The following PLB1 variants were observed in gnomAD, a reference collection of about 807,000 sequenced individuals.
PLB1 encodes the protein phospholipase B1.
In PLB1, 242 loss-of-function variants were observed where a neutral mutation model predicts 227.4. That is an observed-to-expected ratio of 1.06 (90% CI 0.96 to 1.18). PLB1 has a LOEUF of 1.18. Among genes scored for constraint, PLB1 ranks in the 50% most tolerant of loss-of-function variants. PLB1 has a pLI of 0.00. For missense variants in PLB1, 1,858 were observed against 1,816.3 expected (o/e 1.02, Z -0.42); for synonymous variants, 757 against 682.2 (o/e 1.11, Z -1.71).
intron 16 of PLB1, among the ~76,000 whole-genome samples, chr2:28,551,897 G>A (rs1674323797): frequency 1.3e-5 from 2 of 152,210 alleles, no homozygotes; most frequent in Admixed American, 1.3e-4. Context: ...TTGACTATCT[G>A]CTGTGTACCA....
chr2:28,577,024 A>G (rs959310311), intron 21 of PLB1, among the ~76,000 whole-genome samples: 32 of 152,222 alleles, frequency 2.1e-4, no homozygotes, highest in African/African-American at 7.5e-4. Flanking sequence ...GAAATAATTC[A>G]GTGGTTGCAT....
intron 56 of PLB1, among the ~76,000 whole-genome samples, chr2:28,636,382 C>G (rs1689363265): frequency 6.6e-6 from 1 of 152,096 alleles, no homozygotes; most frequent in Non-Finnish European, 1.5e-5. Flanking sequence ...ACTTTTAAAA[C>G]AATTAGTGCC....
chr2:28,605,965 G>A lies in PLB1; in HGVS notation c.3057+17G>A. 1 of 1,573,030 alleles carries A rather than the reference G, an allele frequency of 6.4e-7. No homozygotes were observed. On this transcript the variant is annotated intron_variant, in intron 42 of 57. Transcript: ENST00000327757. Reference sequence around the variant, plus strand: ...ACCAATATGGTAAAATAAGTGGGGTGTTCCTTGTTCTCTGGGGTTCTAGTC... The same window carrying A: ...ACCAATATGGTAAAATAAGTGGGGTATTCCTTGTTCTCTGGGGTTCTAGTC...
chr2:28,534,950 T>A (rs1208629522), intron 9 of PLB1, among the ~76,000 whole-genome samples: 1 of 152,038 alleles, frequency 6.6e-6, no homozygotes, highest in Non-Finnish European at 1.5e-5. Flanking sequence ...ACATTTTGGG[T>A]TTTAATAGGC....
chr2:28,548,613 G>T, intron 14 of PLB1: 1 of 581,662 alleles, frequency 1.7e-6, no homozygotes, highest in Non-Finnish European at 3.3e-6. Flanking sequence ...AACCGATGCT[G>T]CTTCTCATGC....
chr2:28,530,150 G>A (rs1038391825), intron 8 of PLB1, among the ~76,000 whole-genome samples: 1 of 152,106 alleles, frequency 6.6e-6, no homozygotes, highest in African/African-American at 2.4e-5. Context: ...GAGTGATAAT[G>A]CTCAGCCAAA....
chr2:28,632,093 G>A lies in PLB1; in HGVS notation c.3955G>A (p.Val1319Ile), dbSNP rs1688707712. ...HQYTQREDFA[V>I]VVQPFFQNTL... ...ATACACACAGCGTGAGGACTTTGCGGTTGTGGTGCAGCCTTTCTTCCAAAA... is the reference window on the plus strand; with the variant it reads ...ATACACACAGCGTGAGGACTTTGCGATTGTGGTGCAGCCTTTCTTCCAAAA... Residue 1319 changes from valine to isoleucine, a missense_variant, in exon 55 of 58, where the codon GTT becomes ATT. By Grantham distance (29) the Val-to-Ile change is conservative. Transcript: ENST00000327757. The A allele has an allele frequency of 1.9e-6, 3 of 1,614,048 alleles. No homozygotes were observed. The highest frequency in any genetic ancestry group is 1.3e-5 in the African/African-American group (1 of 74,918).
In PLB1 at chr2:28,535,494, G is replaced by A. The variant is rs1671565360; in HGVS notation, c.556-2825G>A. 2.6e-5 allele frequency among the ~76,000 whole-genome samples: 4 copies of A among 152,316 alleles called. No individual in the cohort carries two copies. In the South Asian group the frequency reaches 8.3e-4, roughly 32 times the overall value. On this transcript the variant is annotated intron_variant, in intron 9 of 57. Transcript: ENST00000327757. Reference sequence around the variant, plus strand: ...ACACTCACCTCCTAGTGGTACCTCTGGCCACACCTCCCCGTTTAAGCTAAT... The same window carrying A: ...ACACTCACCTCCTAGTGGTACCTCTAGCCACACCTCCCCGTTTAAGCTAAT...
At chr2:28,510,960 G>A (rs1572664581) in intron 1 of PLB1, among the ~76,000 whole-genome samples, 1 of 152,144 alleles carries the variant, frequency 6.6e-6, no homozygotes, top group South Asian at 2.1e-4. Flanking sequence ...TTAGGATTAA[G>A]TATTTTTATT....
At chr2:28,569,503 G>A (rs1008765621) in intron 20 of PLB1, among the ~76,000 whole-genome samples, 2 of 151,968 alleles carry the variant, frequency 1.3e-5, no homozygotes, top group African/African-American at 2.4e-5. Flanking sequence ...CAAAAGGGAG[G>A]GGAAATGAAA....
At chr2:28,632,467 A>G (rs1322346199) in intron 55 of PLB1, among the ~76,000 whole-genome samples, 1 of 152,118 alleles carries the variant, frequency 6.6e-6, no homozygotes, top group Non-Finnish European at 1.5e-5. Flanking sequence ...GGGAGAGACT[A>G]TGGGTGGGTC....
At chr2:28,514,326 G>A (rs1232671281) in intron 1 of PLB1, among the ~76,000 whole-genome samples, 1 of 152,108 alleles carries the variant, frequency 6.6e-6, no homozygotes, top group Non-Finnish European at 1.5e-5. Flanking sequence ...CAGTCACACT[G>A]TCTTGATCAC....
chr2:28,625,239 G>GCAGTCCTTACC (rs768566448), intron 50 of PLB1, 131 bp downstream of exon 50: 8 of 852,716 alleles, frequency 9.4e-6, no homozygotes, highest in Non-Finnish European at 1.3e-5. Flanking sequence ...CCTCGGAGAA[G>GCAGTCCTTACC]CAGTCCTTAC....
chr2:28,545,641 A>G (rs1456832744), intron 14 of PLB1, among the ~76,000 whole-genome samples: 1 of 152,146 alleles, frequency 6.6e-6, no homozygotes, highest in Admixed American at 6.5e-5. Context: ...GTTTGTGAAA[A>G]TATGGGAGGG....
At chr2:28,510,778 T>TTGTGTGTGTGTGTG (rs55672002) in intron 1 of PLB1, among the ~76,000 whole-genome samples, 13,698 of 141,324 alleles carry the variant, frequency 0.097, 801 homozygotes, top group South Asian at 0.14. Context: ...ACTCAGATAA[T>TTGTGTGTGTGTGTG]TGTGTGTGTG....
intron 18 of PLB1, among the ~76,000 whole-genome samples, chr2:28,564,680 T>G (rs948257220): frequency 6.6e-6 from 1 of 152,110 alleles, no homozygotes; most frequent in Non-Finnish European, 1.5e-5. Context: ...GGATCACACC[T>G]GGGGGGCCTC....
At chr2:28,516,567 C>G (rs1668872235) in intron 1 of PLB1, among the ~76,000 whole-genome samples, 1 of 152,188 alleles carries the variant, frequency 6.6e-6, no homozygotes, top group African/African-American at 2.4e-5. Context: ...CTGACCCCTC[C>G]CAGATAACAC....
intron 56 of PLB1, among the ~76,000 whole-genome samples, chr2:28,635,201 G>C (rs1689153846): frequency 6.6e-6 from 1 of 152,088 alleles, no homozygotes. Flanking sequence ...CTATAATTTG[G>C]GGAAATAATT....
intron 20 of PLB1, among the ~76,000 whole-genome samples, chr2:28,567,788 G>A (rs1677302891): frequency 1.3e-5 from 2 of 152,106 alleles, no homozygotes; most frequent in Non-Finnish European, 2.9e-5. Flanking sequence ...ATTCCTTGAA[G>A]GGTCTGATCT....
Sources: allele counts gnomAD v4.1 joint callset (sites outside exome capture counted in the v4.1 genomes callset), GRCh38; gene constraint gnomAD v4.1.1; transcripts MANE v1.5; gene names NCBI Gene and HGNC (gene_info 2026-07-23, HGNC 2026-07-21).